The following NEK10 variants were observed in gnomAD, a reference collection of about 807,000 sequenced individuals.
NEK10 encodes serine/threonine-protein kinase Nek10.
Under a neutral mutation model 159.8 loss-of-function variants are expected in NEK10, and 122 were observed. That is an observed-to-expected ratio of 0.76 (90% confidence interval 0.66 to 0.89). The LOEUF (loss-of-function observed/expected upper bound fraction) is 0.89. Ranked by LOEUF, NEK10 falls within the 40% of genes least tolerant of loss-of-function variation. NEK10 has a pLI of 0.00. For synonymous variants in NEK10, 466 were observed against 457.1 expected, an observed-to-expected ratio of 1.02 and a Z score of -0.25; for missense variants, 1,342 against 1,323.1, an observed-to-expected ratio of 1.01 and a Z score of -0.22.
intron 1 of NEK10, among the ~76,000 whole-genome samples, chr3:27,354,740 G>T (rs2048211054): frequency 6.6e-6 from 1 of 152,158 alleles, no homozygotes; most frequent in Non-Finnish European, 1.5e-5. Context: ...CAGAGGTCAG[G>T]CAAGGGTGCT....
intron 23 of NEK10, among the ~76,000 whole-genome samples, chr3:27,211,540 T>C (rs185980700): frequency 6.6e-6 from 1 of 152,272 alleles, no homozygotes; most frequent in Admixed American, 6.5e-5. Context: ...GGGTGTCAGT[T>C]GTCCTTTCCA....
chr3:27,280,937 G>A (rs11919995), intron 22 of NEK10, among the ~76,000 whole-genome samples: 8,469 of 149,470 alleles, frequency 0.057, 542 homozygotes, highest in Admixed American at 0.14. Flanking sequence ...GTGTGTGTGT[G>A]TATATGTATA....
intron 9 of NEK10, chr3:27,309,283 T>C (rs1264088119): frequency 5.1e-6 from 1 of 196,932 alleles, no homozygotes; most frequent in Admixed American, 5.9e-5. Context: ...ATTAAATATA[T>C]CTTTATAAAC....
At chr3:27,291,192 A>G in intron 18 of NEK10, 70 bp downstream of exon 18, 1 of 1,388,422 alleles carries the variant, frequency 7.2e-7, no homozygotes. Flanking sequence ...ATTCAATTGA[A>G]TATCGGTGTG....
intron 23 of NEK10, among the ~76,000 whole-genome samples, chr3:27,224,203 C>T (rs1032493312): frequency 1.1e-3 from 165 of 152,352 alleles, no homozygotes; most frequent in African/African-American, 3.9e-3. Context: ...TGTCCTGTCC[C>T]AACTGCCTCC....
At chr3:27,129,819 T>C (rs1457252088) in intron 32 of NEK10, among the ~76,000 whole-genome samples, 1 of 150,840 alleles carries the variant, frequency 6.6e-6, no homozygotes, top group Non-Finnish European at 1.5e-5. Flanking sequence ...AACACAATAA[T>C]ACAGGTGAAA....
chr3:27,362,604 T>TGAA (rs1374198330), intron 1 of NEK10, among the ~76,000 whole-genome samples: 1 of 150,830 alleles, frequency 6.6e-6, no homozygotes, highest in Non-Finnish European at 1.5e-5. Flanking sequence ...TTTTTGCCAT[T>TGAA]ACTTTCAATG....
At chr3:27,218,717 A>G (rs1323820553) in intron 23 of NEK10, among the ~76,000 whole-genome samples, 1 of 150,316 alleles carries the variant, frequency 6.7e-6, no homozygotes, top group East Asian at 1.9e-4. Context: ...GTAAAACATC[A>G]TATTAACAGA....
At chr3:27,140,804 C>T (rs558933434) in intron 31 of NEK10, among the ~76,000 whole-genome samples, 1 of 152,198 alleles carries the variant, frequency 6.6e-6, no homozygotes, top group Admixed American at 6.5e-5. Flanking sequence ...AATTATATGT[C>T]AAGTGAGTGA....
In NEK10 at chr3:27,291,258, T is replaced by C. The variant is rs1263061603; in HGVS notation, c.1605+4A>G. ...TCAGAAATGTTCCCCAAGGGGAAAG[T>C]CACCTTGTAAACACAGCCAAAAGCT... On this transcript the variant is annotated splice_donor_region_variant and intron_variant, in intron 18 of 35. Coordinates refer to ENST00000691995, the MANE Select transcript of NEK10 (RefSeq NM_001394966.1). 6.2e-7 allele frequency: 1 copy of C among 1,609,832 alleles called. No homozygotes were observed. The highest frequency in any genetic ancestry group is 1.3e-5 in the African/African-American group (1 of 74,754).
At chr3:27,306,860 A>T (rs2044283233) in intron 11 of NEK10, among the ~76,000 whole-genome samples, 1 of 152,128 alleles carries the variant, frequency 6.6e-6, no homozygotes, top group African/African-American at 2.4e-5. Flanking sequence ...TGCTGTGCCC[A>T]ACCATCACAT....
chr3:27,171,337 A>G (rs1946964589), intron 29 of NEK10, among the ~76,000 whole-genome samples: 1 of 152,206 alleles, frequency 6.6e-6, no homozygotes, highest in Non-Finnish European at 1.5e-5. Context: ...GTATGTGAAC[A>G]GAAGTGATGA....
chr3:27,347,027 A>G (rs2047602113), intron 3 of NEK10, among the ~76,000 whole-genome samples: 1 of 152,216 alleles, frequency 6.6e-6, no homozygotes, highest in Admixed American at 6.5e-5. Context: ...ATAGACAAAT[A>G]TCCTGTTTTT....
chr3:27,142,908 A>G (rs1339365331), intron 30 of NEK10, among the ~76,000 whole-genome samples: 6 of 152,220 alleles, frequency 3.9e-5, no homozygotes, highest in Non-Finnish European at 8.8e-5. Flanking sequence ...TGCAGTTAAT[A>G]CCTTGTTTAA....
chr3:27,281,388 T>C (rs1575575391), intron 22 of NEK10, among the ~76,000 whole-genome samples: 1 of 151,828 alleles, frequency 6.6e-6, no homozygotes, highest in East Asian at 1.9e-4. Context: ...TCCAAAGCAG[T>C]GGATAAAGGG....
At chr3:27,242,636 A>G (rs1954681943) in intron 23 of NEK10, among the ~76,000 whole-genome samples, 2 of 152,198 alleles carry the variant, frequency 1.3e-5, no homozygotes, top group Admixed American at 6.5e-5. Flanking sequence ...GTCCACTGGC[A>G]TCTTACTTCT....
intron 35 of NEK10, among the ~76,000 whole-genome samples, chr3:27,113,303 C>T (rs927608308): frequency 4.6e-5 from 7 of 151,652 alleles, no homozygotes; most frequent in South Asian, 2.1e-4. Context: ...TGGTGGTGGG[C>T]GCCTATAATC....
At chr3:27,258,240 T>C (rs949355186) in intron 22 of NEK10, among the ~76,000 whole-genome samples, 48 of 151,104 alleles carry the variant, frequency 3.2e-4, no homozygotes, top group Admixed American at 2.0e-3. Context: ...TTTATTATAC[T>C]TTAAATTTTA....
chr3:27,185,464 C>A (rs1948526399), intron 26 of NEK10, among the ~76,000 whole-genome samples: 1 of 152,074 alleles, frequency 6.6e-6, no homozygotes, highest in Non-Finnish European at 1.5e-5. Context: ...AATCAGGTGG[C>A]AGGTCTCCAA....
Sources: gnomAD v4.1 joint callset for allele counts (sites outside exome capture counted in the v4.1 genomes callset) on GRCh38, gnomAD v4.1.1 for gene constraint, MANE v1.5 for transcripts, NCBI Gene and HGNC (gene_info 2026-07-23, HGNC 2026-07-21) for gene names.